Variants in TMED8 observed in about 807,000 individuals in gnomAD.
The protein encoded by TMED8 is protein TMED8.
In TMED8, 15 loss-of-function variants were observed where a neutral mutation model predicts 32.7. The observed-to-expected ratio is 0.46, with a 90% CI of 0.31 to 0.71. The LOEUF is 0.71. TMED8 is among the 30% of genes least tolerant of loss of function. The pLI, the probability that TMED8 is intolerant of heterozygous loss-of-function variation, is 0.06. For missense variants in TMED8, 390 were observed against 423.9 expected, an observed-to-expected ratio of 0.92 and a Z score of 0.70; for synonymous variants, 147 against 161.4, an observed-to-expected ratio of 0.91 and a Z score of 0.68.
chr14:77,364,552 G>T (rs2139630469), intron 1 of TMED8, among the ~76,000 whole-genome samples: 1 of 152,024 alleles, frequency 6.6e-6, no homozygotes, highest in South Asian at 2.1e-4. Flanking sequence ...TTTTAAGATG[G>T]AGTCTCACTG....
At chr14:77,351,536 C>G (rs1893178827) in intron 2 of TMED8, 137 bp downstream of exon 2, 2 of 626,014 alleles carry the variant, frequency 3.2e-6, no homozygotes, top group South Asian at 4.6e-5. Flanking sequence ...GCTGGGATTA[C>G]AGGCGTGAGC....
chr14:77,341,993 G>T lies in TMED8; in HGVS notation c.761-5C>A. On this transcript the variant is annotated splice_region_variant and splice_polypyrimidine_tract_variant and intron_variant, in intron 5 of 5. Transcript: ENST00000216468. ...CATCTCCAGCTGGAACGGGTTCTGC[G>T]TGAGCAAAATGGCAAAGTGTTCAGA... is the stretch of plus-strand genomic sequence containing the variant. The T allele has an allele frequency of 2.5e-6, 4 of 1,613,652 alleles. No individual in the cohort carries two copies. The highest frequency in any genetic ancestry group is 3.4e-6 in the Non-Finnish European group (4 of 1,179,872).
At chr14:77,349,171 C>T (rs1205551517) in intron 2 of TMED8, among the ~76,000 whole-genome samples, 1 of 132,440 alleles carries the variant, frequency 7.6e-6, no homozygotes, top group African/African-American at 2.9e-5. Flanking sequence ...GGTGTAGTGG[C>T]ATGATCTCGG....
chr14:77,358,934 G>T (rs1893365410), intron 1 of TMED8, among the ~76,000 whole-genome samples: 1 of 151,986 alleles, frequency 6.6e-6, no homozygotes, highest in Non-Finnish European at 1.5e-5. Flanking sequence ...TTGAGACAGG[G>T]TCTTGCTGTG....
intron 2 of TMED8, among the ~76,000 whole-genome samples, chr14:77,349,541 A>G (rs923252646): frequency 7.2e-5 from 11 of 152,094 alleles, no homozygotes; most frequent in African/African-American, 2.7e-4. Flanking sequence ...CCCACTTGAG[A>G]GCTTTTGCAT....
At chr14:77,361,423 A>G (rs981767601) in intron 1 of TMED8, among the ~76,000 whole-genome samples, 15 of 152,206 alleles carry the variant, frequency 9.9e-5, no homozygotes, top group Admixed American at 9.8e-4. Context: ...CTAGGCTCTC[A>G]ATTCTGATCT....
chr14:77,368,745 G>T (rs557704453), intron 1 of TMED8, among the ~76,000 whole-genome samples: 3 of 152,234 alleles, frequency 2.0e-5, no homozygotes, highest in African/African-American at 7.2e-5. Context: ...AAAGTGCTGG[G>T]ATTACAGGCA....
Position 77,335,671 on chromosome 14 carries a change from A to C in TMED8, c.*6100T>G, listed in dbSNP as rs541346418. On this transcript the variant is annotated 3_prime_UTR_variant, in exon 6 of 6. Transcript: ENST00000216468. ...AAGTCTGGCTTTCTTATAATCCATC[A>C]CTTTGATTACAAAACAGCTCTCTTC... is the stretch of plus-strand genomic sequence containing the variant. The C allele has an allele frequency of 6.6e-6, 1 of 152,274 alleles. No individual in the cohort carries two copies. The highest frequency in any genetic ancestry group is 6.5e-5 in the Admixed American group (1 of 15,292). The allele number at this position is 152,274 out of a possible 1,614,324, so 9.4% of individuals were successfully genotyped here. A position where few individuals can be genotyped will look rare whatever the true frequency, so the allele number is the denominator to read the frequency against.
At chr14:77,371,987 A>G (rs1449803041) in intron 1 of TMED8, among the ~76,000 whole-genome samples, 2 of 152,224 alleles carry the variant, frequency 1.3e-5, no homozygotes, top group East Asian at 3.8e-4. Flanking sequence ...GAAACTTTTA[A>G]GTGTCAATCA....
At chr14:77,369,368 A>G (rs1157874133) in intron 1 of TMED8, among the ~76,000 whole-genome samples, 3 of 152,228 alleles carry the variant, frequency 2.0e-5, no homozygotes, top group Non-Finnish European at 4.4e-5. Context: ...TTTTAGAACC[A>G]GCTTGTCAAA....
Position 77,343,411 on chromosome 14 carries a change from C to G in TMED8, c.527G>C (p.Gly176Ala). ...AKVKEFKSKL[G>A]KEKNSRLVVK... ...CACCAGACGGCTGTTCTTCTCTTTG[C>G]CCAGCTTGCTTTTGAATTCCTTCAC... The change falls in exon 5 of 6, where the codon GGC becomes GCC. Residue 176 changes from glycine to alanine, a missense_variant. By Grantham distance (60) the Gly-to-Ala change is moderately conservative. Transcript: ENST00000216468. 5 of 1,613,932 alleles carry G rather than the reference C, an allele frequency of 3.1e-6. No homozygotes were observed. Among genetic ancestry groups the G allele is most frequent in the Non-Finnish European group, 4.2e-6 (5 of 1,179,896 alleles).
In TMED8 at chr14:77,376,249, G is replaced by C. The variant is rs544794724; in HGVS notation, c.118+687C>G. Among the ~76,000 whole-genome samples, 2 of 152,224 alleles carry C rather than the reference G, an allele frequency of 1.3e-5. No individual in the cohort carries two copies. Among genetic ancestry groups the C allele is most frequent in the Non-Finnish European group, 2.9e-5 (2 of 68,036 alleles). ...GGAGACGTCGTCCTGGACAAGAAGA[G>C]GATGAGGGTCTTGAGAATGAGGGAG... is the stretch of plus-strand genomic sequence containing the variant. On this transcript the variant is annotated intron_variant, in intron 1 of 5. Coordinates refer to ENST00000216468, the MANE Select transcript of TMED8 (RefSeq NM_213601.3). This position sits in a 1 kb window ranked among gnomAD's most constrained non-coding sequence, Gnocchi z 4.0.
At chr14:77,362,377 C>A (rs976843162) in intron 1 of TMED8, among the ~76,000 whole-genome samples, 3 of 152,054 alleles carry the variant, frequency 2.0e-5, no homozygotes, top group African/African-American at 7.2e-5. Flanking sequence ...GAGTAAATTT[C>A]TTTCTACATC....
chr14:77,342,039 A>T, intron 5 of TMED8, 51 bp from the exon 6 acceptor site: 1 of 1,552,014 alleles, frequency 6.4e-7, no homozygotes, highest in Non-Finnish European at 8.8e-7. Flanking sequence ...GTCCTGCCTG[A>T]AGGTGAGCGG....
At chr14:77,367,752 G>A (rs1440255508) in intron 1 of TMED8, among the ~76,000 whole-genome samples, 1 of 151,468 alleles carries the variant, frequency 6.6e-6, no homozygotes, top group East Asian at 1.9e-4. Context: ...GGAGTGCAAT[G>A]GTGCAATCTC....
intron 5 of TMED8, among the ~76,000 whole-genome samples, chr14:77,342,443 A>G (rs1220137087): frequency 2.3e-5 from 2 of 87,874 alleles, no homozygotes; most frequent in Non-Finnish European, 4.7e-5. Flanking sequence ...GGATTCCTGA[A>G]AAGCAGCAAA....
chr14:77,343,044 C>T, intron 5 of TMED8, 134 bp downstream of exon 5: 1 of 858,690 alleles, frequency 1.2e-6, no homozygotes, highest in South Asian at 1.7e-5. Flanking sequence ...TGGCCTGTAC[C>T]ACTCAGCTTA....
chr14:77,349,311 T>A (rs1893127006), intron 2 of TMED8, among the ~76,000 whole-genome samples: 1 of 151,780 alleles, frequency 6.6e-6, no homozygotes, highest in Admixed American at 6.6e-5. Context: ...AGAGACGGGG[T>A]TTCACCATGT....
Position 77,341,918 on chromosome 14 carries a change from C to G in TMED8, c.831G>C (p.Met277Ile). 6.2e-7 allele frequency: 1 copy of G among 1,614,052 alleles called. No homozygotes were observed. The highest frequency in any genetic ancestry group is 1.7e-5 in the Admixed American group (1 of 60,016). The change falls in exon 6 of 6, where the codon ATG (methionine) becomes ATC (isoleucine). Residue 277 changes from methionine to isoleucine, a missense_variant. Met to Ile is a conservative substitution (Grantham distance 10). Transcript: ENST00000216468. The part of the protein sequence containing the change: ...SSLRGRYGEV[M>I]PVYRRDSHRD... ...GGTGGCTGTCCCGCCGGTACACAGG[C>G]ATGACCTCCCCATAGCGACCCCGCA...
Sources: allele counts gnomAD v4.1 joint callset (sites outside exome capture counted in the v4.1 genomes callset), GRCh38; gene constraint gnomAD v4.1.1; non-coding constraint Gnocchi (gnomAD v3.1); transcripts MANE v1.5; gene names NCBI Gene and HGNC (gene_info 2026-07-23, HGNC 2026-07-21).